CHN2: variants seen among roughly 807,000 people sequenced by gnomAD.
CHN2 encodes chimerin 2, also known as beta-chimaerin.
CHN2 carries 35 observed loss-of-function variants against 56.3 expected under a neutral mutation model. The ratio of observed to expected loss-of-function variants is 0.62; its 90% confidence interval spans 0.47 to 0.82. CHN2 has a LOEUF of 0.82. Among genes scored for constraint, CHN2 ranks in the 40% least tolerant of loss-of-function variants. CHN2 has a pLI of 0.00. For synonymous variants in CHN2, 210 were observed against 212.8 expected (o/e 0.99, Z 0.12); for missense variants, 491 against 580.5 (o/e 0.85, Z 1.58).
At chr7:29,220,170 C>A (rs1785664927) in intron 1 of CHN2, among the ~76,000 whole-genome samples, 4 of 149,782 alleles carry the variant, frequency 2.7e-5, no homozygotes, top group African/African-American at 9.8e-5. Context: ...CAAATTAAAC[C>A]CAAAGATGGT....
chr7:29,173,202 T>C (rs1410282151), intron 2 of CHN2, among the ~76,000 whole-genome samples: 1 of 150,810 alleles, frequency 6.6e-6, no homozygotes, highest in African/African-American at 2.4e-5. Flanking sequence ...CCTAAGCTTA[T>C]AGGAAAGTCA....
intron 2 of CHN2, among the ~76,000 whole-genome samples, chr7:29,358,976 C>T (rs7786928): frequency 0.045 from 6,877 of 152,288 alleles, 367 homozygotes; most frequent in East Asian, 0.15. Context: ...CCTACTCTTA[C>T]TATGTTCTTC....
At chr7:29,155,051 C>T (rs1399881046) in intron 2 of CHN2, among the ~76,000 whole-genome samples, 1 of 152,068 alleles carries the variant, frequency 6.6e-6, no homozygotes, top group African/African-American at 2.4e-5. Flanking sequence ...CATCAGATCT[C>T]GTGAGACTTA....
chr7:29,194,431 C>G (rs1344878705), upstream of CHN2: 2 of 153,006 alleles, frequency 1.3e-5, no homozygotes, highest in Non-Finnish European at 2.9e-5. Context: ...TGTGTGTGCG[C>G]GAGCGGAGTT....
chr7:29,466,318 G>A (rs1290278258), intron 6 of CHN2, among the ~76,000 whole-genome samples: 2 of 152,156 alleles, frequency 1.3e-5, no homozygotes, highest in South Asian at 2.1e-4. Flanking sequence ...AATTTTCTGG[G>A]TGTAGATAAA....
chr7:29,211,580 A>T (rs1278957684), intron 1 of CHN2, among the ~76,000 whole-genome samples: 1 of 151,864 alleles, frequency 6.6e-6, no homozygotes, highest in Non-Finnish European at 1.5e-5. Context: ...CTCTTCATTT[A>T]TCTAAAAACT....
In CHN2 at chr7:29,396,429, C is replaced by G. The variant is rs557857550; in HGVS notation, c.177-1944C>G. On this transcript the variant is annotated intron_variant, in intron 4 of 12. Transcript: ENST00000222792. ...CGAGCTGAGATCGCGCCATTGCACT[C>G]CAGCTTAGGCTACAGAGTGAGACTC... Among the ~76,000 whole-genome samples the G allele has an allele frequency of 1.2e-4, 16 of 135,856 alleles. No homozygotes were observed. The South Asian group carries it at 1.4e-3, about 12-fold the overall frequency. 89.1% of individuals were successfully genotyped at this position (135,856 alleles called of 152,430 possible).
At chr7:29,290,220 C>T (rs1420424270) in intron 1 of CHN2, among the ~76,000 whole-genome samples, 1 of 152,228 alleles carries the variant, frequency 6.6e-6, no homozygotes, top group Non-Finnish European at 1.5e-5. Context: ...TGCTCTTGGC[C>T]TCTGCATACC....
chr7:29,428,890 G>C lies in CHN2; in HGVS notation c.576+28062G>C, dbSNP rs550055886. 3.6e-3 allele frequency among the ~76,000 whole-genome samples: 549 copies of C among 152,324 alleles called. 2 individuals are homozygous for C. Among genetic ancestry groups the C allele is most frequent in the Non-Finnish European group, 5.6e-3 (378 of 68,024 alleles). On this transcript the variant is annotated intron_variant, in intron 6 of 12. Transcript: ENST00000222792. The stretch of plus-strand genomic sequence containing the variant: ...AGAATATAAAGAGGTTCTGAGACCA[G>C]AGTTGAAGATGCAATGATGTAAATC...
intron 2 of CHN2, among the ~76,000 whole-genome samples, chr7:29,151,232 T>C (rs1481800502): frequency 6.6e-6 from 1 of 152,182 alleles, no homozygotes; most frequent in Non-Finnish European, 1.5e-5. Flanking sequence ...CTTCCACTCT[T>C]AGCATGATTA....
intron 2 of CHN2, among the ~76,000 whole-genome samples, chr7:29,179,363 T>G (rs929200893): frequency 6.6e-6 from 1 of 152,200 alleles, no homozygotes; most frequent in Non-Finnish European, 1.5e-5. Context: ...CCACACAGTG[T>G]CAGCCTTCTT....
At chr7:29,297,200 C>T (rs1793230637) in intron 1 of CHN2, among the ~76,000 whole-genome samples, 1 of 152,196 alleles carries the variant, frequency 6.6e-6, no homozygotes, top group Non-Finnish European at 1.5e-5. Context: ...AGATTGAATC[C>T]CAGGTTCCAC....
At chr7:29,280,538 T>C (rs888168489) in intron 1 of CHN2, among the ~76,000 whole-genome samples, 1 of 152,110 alleles carries the variant, frequency 6.6e-6, no homozygotes, top group Admixed American at 6.5e-5. Context: ...CTGTGGGTAA[T>C]GTGAGACAGG....
intron 1 of CHN2, among the ~76,000 whole-genome samples, chr7:29,249,864 A>G (rs1383737973): frequency 6.6e-6 from 1 of 152,264 alleles, no homozygotes; most frequent in Non-Finnish European, 1.5e-5. Flanking sequence ...CATGAATACC[A>G]ATAACCAATT....
chr7:29,390,768 G>A (rs907858317), intron 3 of CHN2, among the ~76,000 whole-genome samples: 5 of 152,164 alleles, frequency 3.3e-5, no homozygotes, highest in African/African-American at 4.8e-5. Context: ...CAGGGAGTGA[G>A]TCAGGCTTCT....
intron 1 of CHN2, among the ~76,000 whole-genome samples, chr7:29,328,369 G>A (rs894995047): frequency 1.8e-4 from 27 of 151,990 alleles, no homozygotes; most frequent in South Asian, 4.1e-4. Context: ...GTCTCAAGCC[G>A]ATGAATGGCC....
intron 1 of CHN2, among the ~76,000 whole-genome samples, chr7:29,195,785 G>C (rs1316306562): frequency 1.3e-5 from 2 of 152,086 alleles, no homozygotes; most frequent in African/African-American, 4.8e-5. Flanking sequence ...TTCTATGGTT[G>C]ATCATCGGGT....
chr7:29,321,138 A>G (rs1002175741), intron 1 of CHN2, among the ~76,000 whole-genome samples: 15 of 152,072 alleles, frequency 9.9e-5, no homozygotes, highest in Non-Finnish European at 2.1e-4. Flanking sequence ...ATAGTTGAAA[A>G]TTTTTTCAGA....
chr7:29,344,541 C>T (rs7801318), intron 1 of CHN2, among the ~76,000 whole-genome samples: 60,482 of 151,818 alleles, frequency 0.4, 12,325 homozygotes, highest in South Asian at 0.5. Context: ...TCCTGTCTTG[C>T]CTCTGGTTCC....
Sources: gnomAD v4.1 joint callset for allele counts (sites outside exome capture counted in the v4.1 genomes callset) on GRCh38, gnomAD v4.1.1 for gene constraint, MANE v1.5 for transcripts, NCBI Gene and HGNC (gene_info 2026-07-23, HGNC 2026-07-21) for gene names.